CXXC1: variants seen among roughly 807,000 people sequenced by gnomAD.
CXXC1 encodes CXXC-type zinc finger protein 1.
A neutral mutation model predicts 83.6 loss-of-function variants in CXXC1; 21 were observed. That is an observed-to-expected ratio of 0.25 (90% CI 0.18 to 0.36). CXXC1 has a LOEUF of 0.36. Among genes scored for constraint, CXXC1 ranks in the 10% least tolerant of loss-of-function variants. CXXC1 has a pLI of 1.00. For missense variants in CXXC1, 688 were observed against 919.5 expected, an observed-to-expected ratio of 0.75 and a Z score of 3.26; for synonymous variants, 371 against 337.5, an observed-to-expected ratio of 1.10 and a Z score of -1.09.
chr18:50,283,472 CG>C, intron 12 of CXXC1, 42 bp downstream of exon 12: 2 of 1,612,154 alleles, frequency 1.2e-6, no homozygotes, highest in East Asian at 4.5e-5. Context: ...TTCTGACCCC[CG>C]CCTTAACCCC....
chr18:50,286,851 T>A lies in CXXC1; in HGVS notation c.11A>T (p.Asp4Val). 1 of 1,611,524 alleles carries A rather than the reference T, an allele frequency of 6.2e-7. No individual in the cohort carries two copies. MEG[D>V]GSDPEPPDAG... ...ATCTGGAGGCTCTGGGTCTGAACCA[T>A]CTCCCTCCTGCAGGACACCCCCATT... is the stretch of plus-strand genomic sequence containing the variant. The change falls in exon 2 of 15, where the codon GAT becomes GTT. Residue 4 changes from aspartate (D) to valine (V), a missense_variant. Asp to Val is a radical substitution (Grantham distance 152). Coordinates refer to ENST00000285106, the MANE Select transcript of CXXC1 (RefSeq NM_014593.4).
chr18:50,284,005 G>A lies in CXXC1; in HGVS notation c.1302C>T (p.Arg434=). The change falls in exon 10 of 15, where the codon CGC becomes CGT. Residue 434 remains arginine (R), a synonymous_variant. Coordinates refer to ENST00000285106, the MANE Select transcript of CXXC1 (RefSeq NM_014593.4). The part of the protein sequence containing the change: ...EHGKKLLERI[R]REQQSARTRL... ...GAGTGCGGGCACTCTGCTGCTCTCG[G>A]CGAATGCGTTCGAGCAGCTTCTTGC... The A allele has an allele frequency of 6.2e-7, 1 of 1,613,126 alleles. No individual in the cohort carries two copies. The highest frequency in any genetic ancestry group is 8.5e-7 in the Non-Finnish European group (1 of 1,179,904).
At position 50,285,598 on chromosome 18, in the gene CXXC1, C is replaced by T; in HGVS notation, c.639+151G>A. ...CAGCCCAGCATACCAGGTCATGCCC[C>T]ATTCATCTGGACATGACAGGCCCCT... On this transcript the variant is annotated intron_variant, in intron 5 of 14. Coordinates refer to ENST00000285106, the MANE Select transcript of CXXC1 (RefSeq NM_014593.4). This position sits in a 1 kb window ranked among gnomAD's most constrained non-coding sequence, Gnocchi z 4.4. 1 of 1,073,164 alleles carries T rather than the reference C, an allele frequency of 9.3e-7. No homozygotes were observed. Among genetic ancestry groups the T allele is most frequent in the African/African-American group, 1.6e-5 (1 of 63,252 alleles). The allele number at this position is 1,073,164 out of a possible 1,614,324, so 66.5% of individuals were successfully genotyped here.
Position 50,282,794 on chromosome 18 carries a change from C to A in CXXC1, c.1825-55G>T, listed in dbSNP as rs937077504. 1.4e-5 allele frequency: 22 copies of A among 1,611,764 alleles called. No individual in the cohort carries two copies. The South Asian group carries it at 1.9e-4, about 14-fold the overall frequency. On this transcript the variant is annotated intron_variant, in intron 14 of 14. Transcript: ENST00000285106. This position sits in a 1 kb window ranked among gnomAD's most constrained non-coding sequence, Gnocchi z 5.8. Reference sequence around the variant, plus strand: ...AGGAACACCTGCAGCCCCGCCTGCCCCGGCCACGTCCGACATGGAAACCTA... The same window carrying A: ...AGGAACACCTGCAGCCCCGCCTGCCACGGCCACGTCCGACATGGAAACCTA...
chr18:50,283,354 G>A lies in CXXC1; in HGVS notation c.1582C>T (p.Arg528Ter). 2 of 1,613,826 alleles carry A rather than the reference G, an allele frequency of 1.2e-6. No individual in the cohort carries two copies. Among genetic ancestry groups the A allele is most frequent in the Non-Finnish European group, 8.5e-7 (1 of 1,179,806 alleles). Residue 528 changes from arginine (R) to a stop codon, truncating the protein, a stop_gained, in exon 13 of 15, where the codon CGA becomes TGA. Coordinates refer to ENST00000285106, the MANE Select transcript of CXXC1 (RefSeq NM_014593.4). LOFTEE classifies it high-confidence loss of function. The stretch of plus-strand genomic sequence containing the variant: ...GGATTATACACATCACAGAAGAGTC[G>A]TGTGGCCCTGGGGATTTGGAGTAGA... ...MYPTRIEGAT[R>*]LFCDVYNPQS...
intron 1 of CXXC1, chr18:50,287,289 A>G: frequency 1.9e-6 from 1 of 540,012 alleles, no homozygotes; most frequent in Non-Finnish European, 3.3e-6. Flanking sequence ...ACGGCTCACT[A>G]CAGACCACTC....
chr18:50,287,671 G>C lies in CXXC1; in HGVS notation c.-82C>G. ...CAGACCACTCGGCGGCGTCCCAGGC[G>C]GTTGCAAAGGCGCCCACAACTACTT... is the stretch of plus-strand genomic sequence containing the variant. On this transcript the variant is annotated 5_prime_UTR_variant, in exon 1 of 15. Coordinates refer to ENST00000285106, the MANE Select transcript of CXXC1 (RefSeq NM_014593.4). The C allele has an allele frequency of 6.4e-7, 1 of 1,568,002 alleles. No homozygotes were observed. Among genetic ancestry groups the C allele is most frequent in the Non-Finnish European group, 8.7e-7 (1 of 1,152,198 alleles).
Position 50,284,430 on chromosome 18 carries a change from G to C in CXXC1, c.1153C>G (p.Gln385Glu). Residue 385 changes from glutamine (Q) to glutamate (E), a missense_variant, in exon 9 of 15, where the codon CAG becomes GAG. Gln to Glu is a conservative substitution (Grantham distance 29). Coordinates refer to ENST00000285106, the MANE Select transcript of CXXC1 (RefSeq NM_014593.4). ...TCTGAGCAATACTTGGAGCTGGGCT[G>C]GGCGGGGCGCACACAGCCGGGCCCC... ...CLGPGCVRPA[Q>E]PSSKYCSDDC... 6.3e-7 allele frequency: 1 copy of C among 1,592,466 alleles called. No homozygotes were observed. The highest frequency in any genetic ancestry group is 8.5e-7 in the Non-Finnish European group (1 of 1,170,560).
chr18:50,283,252 G>A lies in CXXC1; in HGVS notation c.1671+13C>T, dbSNP rs751663840. On this transcript the variant is annotated intron_variant, in intron 13 of 14. Transcript: ENST00000285106. ...GGAGGGGCAAAATGGGAGGAGCTGA[G>A]GGAAAACCTTACTTTGGGGTCCCGT... The A allele has an allele frequency of 6.2e-6, 10 of 1,610,052 alleles. No homozygotes were observed. Among genetic ancestry groups the A allele is most frequent in the African/African-American group, 4.0e-5 (3 of 74,804 alleles).
In CXXC1 at chr18:50,284,570, G is replaced by GC; in HGVS notation, c.1021-9dup. On this transcript the variant is annotated splice_polypyrimidine_tract_variant and intron_variant, in intron 8 of 14. Transcript: ENST00000285106. ...CTTGTATCGCTCCTCCTTCTGTTGAGCAAGACAAGTCAGGTCAGGGTGGAG... is the reference window on the plus strand; with the variant it reads ...CTTGTATCGCTCCTCCTTCTGTTGAGCCAAGACAAGTCAGGTCAGGGTGGAG... The GC allele has an allele frequency of 6.3e-7, 1 of 1,582,306 alleles. No individual in the cohort carries two copies. Among genetic ancestry groups the GC allele is most frequent in the Non-Finnish European group, 8.6e-7 (1 of 1,162,026 alleles).
At chr18:50,284,867 C>T (rs1189470608) in intron 7 of CXXC1, 28 bp from the exon 8 acceptor site, 3 of 1,613,894 alleles carry the variant, frequency 1.9e-6, no homozygotes, top group Non-Finnish European at 2.5e-6. Context: ...ACTGACCCAC[C>T]TGCCCCGCTC....
chr18:50,286,541 C>G lies in CXXC1; in HGVS notation c.221G>C (p.Arg74Thr). Reference sequence around the variant, plus strand: ...CCCTGTCCATCCATGGCCCTCACCTCTGCACTCCCGACAGTACCACTCCCG... The same window carrying G: ...CCCTGTCCATCCATGGCCCTCACCTGTGCACTCCCGACAGTACCACTCCCG... The part of the protein sequence containing the change: ...AIREWYCREC[R>T]EKDPKLEIRY... The change falls in exon 3 of 15, where the codon AGA becomes ACA. Residue 74 changes from arginine to threonine, a missense_variant and splice_region_variant. Arg to Thr is a moderately conservative substitution (Grantham distance 71). Around this residue, in one of 9 missense-constraint regions of CXXC1, gnomAD observed 142 missense variants for 150.7 expected, o/e 0.94. Transcript: ENST00000285106. 1 of 1,613,894 alleles carries G rather than the reference C, an allele frequency of 6.2e-7. No individual in the cohort carries two copies. The highest frequency in any genetic ancestry group is 8.5e-7 in the Non-Finnish European group (1 of 1,179,756).
In CXXC1 at chr18:50,283,796, T is replaced by C; in HGVS notation, c.1433A>G (p.Asp478Gly). ...ACAGAAGATCTGCAGGTCTGTGTCA[T>C]CACTGTCACCCTCGTTGCTCTGCAT... is the stretch of plus-strand genomic sequence containing the variant. ...EDEESNEGDS[D>G]DTDLQIFCVS... Residue 478 changes from aspartate to glycine, a missense_variant, in exon 11 of 15, where the codon GAT (aspartate) becomes GGT (glycine). Transcript: ENST00000285106. The C allele has an allele frequency of 6.2e-7, 1 of 1,614,224 alleles. No homozygotes were observed. The highest frequency in any genetic ancestry group is 8.5e-7 in the Non-Finnish European group (1 of 1,180,022).
intron 9 of CXXC1, 40 bp from the exon 10 acceptor site, chr18:50,284,141 T>C (rs182681150): frequency 1.9e-6 from 3 of 1,579,552 alleles, no homozygotes; most frequent in African/African-American, 1.3e-5. Flanking sequence ...AGTGAGGTGA[T>C]CAGTAAGTGA....
chr18:50,287,225 G>C, intron 1 of CXXC1: 1 of 487,358 alleles, frequency 2.1e-6, no homozygotes, highest in East Asian at 3.4e-5. Flanking sequence ...CCTGGCACCC[G>C]CACCCACCCC....
Position 50,285,746 on chromosome 18 carries a change from C to T in CXXC1, c.639+3G>A. ...GACCCTACCCAGCTCTGTCCATGCT[C>T]ACCCGGGCCCGCAGCTGGCACTGGC... On this transcript the variant is annotated splice_donor_region_variant and intron_variant, in intron 5 of 14. Transcript: ENST00000285106. The surrounding 1 kb of genome is among the most constrained non-coding windows in gnomAD (Gnocchi z 4.4). 9 of 1,611,570 alleles carry T rather than the reference C, an allele frequency of 5.6e-6. No homozygotes were observed. Among genetic ancestry groups the T allele is most frequent in the Non-Finnish European group, 7.6e-6 (9 of 1,179,938 alleles).
intron 11 of CXXC1, 28 bp downstream of exon 11, chr18:50,283,677 G>C: frequency 6.2e-7 from 1 of 1,611,044 alleles, no homozygotes; most frequent in South Asian, 1.1e-5. Context: ...TTCCCACATG[G>C]TCCGCCCCCT....
rs1477894454 is a variant in CXXC1, at chr18:50,283,892, A to G, written c.1413+2T>C. 1.9e-6 allele frequency: 3 copies of G among 1,613,870 alleles called. No individual in the cohort carries two copies. In the East Asian group the frequency reaches 6.7e-5, roughly 36 times the overall value. The stretch of plus-strand genomic sequence containing the variant: ...TGCTCTGCTGCGCCCCTGCTTGCTC[A>G]CCTCCTCATCCTCGCGCACAGCCTG... On this transcript the variant is annotated splice_donor_variant, in intron 10 of 14. Coordinates refer to ENST00000285106, the MANE Select transcript of CXXC1 (RefSeq NM_014593.4). LOFTEE classifies it high-confidence loss of function.
chr18:50,283,262 T>G lies in CXXC1; in HGVS notation c.1671+3A>C. The stretch of plus-strand genomic sequence containing the variant: ...AATGGGAGGAGCTGAGGGAAAACCT[T>G]ACTTTGGGGTCCCGTGAGTGCTCGG... On this transcript the variant is annotated splice_donor_region_variant and intron_variant, in intron 13 of 14. Coordinates refer to ENST00000285106, the MANE Select transcript of CXXC1 (RefSeq NM_014593.4). The G allele has an allele frequency of 6.2e-7, 1 of 1,613,366 alleles. No individual in the cohort carries two copies.
Sources: gnomAD v4.1 joint callset for allele counts on GRCh38, gnomAD v4.1.1 for gene constraint, gnomAD v4.1.1 regional missense constraint, Gnocchi (gnomAD v3.1) non-coding constraint, MANE v1.5 for transcripts, NCBI Gene and HGNC (gene_info 2026-07-23, HGNC 2026-07-21) for gene names.